Variants in DPY19L4 observed in about 807,000 individuals in gnomAD.
DPY19L4 encodes probable C-mannosyltransferase DPY19L4.
In DPY19L4, 97 loss-of-function variants were observed where a neutral mutation model predicts 102.8. The observed-to-expected ratio is 0.94, with a 90% CI of 0.80 to 1.12. The LOEUF (loss-of-function observed/expected upper bound fraction) is 1.12, where lower values mean the gene tolerates loss of function less well. Among genes scored for constraint, DPY19L4 ranks in the 50% most tolerant of loss-of-function variants. The pLI, the probability that DPY19L4 is intolerant of heterozygous loss-of-function variation, is 0.00. For missense variants in DPY19L4, 815 were observed against 850.4 expected, an observed-to-expected ratio of 0.96 and a Z score of 0.52; for synonymous variants, 252 against 283.1, an observed-to-expected ratio of 0.89 and a Z score of 1.10.
intron 18 of DPY19L4, 45 bp from the exon 19 acceptor site, chr8:94,789,701 A>G: frequency 6.7e-7 from 1 of 1,487,872 alleles, no homozygotes; most frequent in Non-Finnish European, 9.1e-7. Flanking sequence ...TTTCTGCTAT[A>G]AGCTTAATAA....
At chr8:94,730,736 ACT>A (rs888798958) in intron 2 of DPY19L4, among the ~76,000 whole-genome samples, 2 of 140,220 alleles carry the variant, frequency 1.4e-5, no homozygotes, top group Admixed American at 1.4e-4. Flanking sequence ...CAAGAGCGAA[ACT>A]CTGTCTCTTT....
At chr8:94,733,467 A>G (rs973614796) in intron 2 of DPY19L4, among the ~76,000 whole-genome samples, 1 of 152,074 alleles carries the variant, frequency 6.6e-6, no homozygotes, top group African/African-American at 2.4e-5. Context: ...TGTGTTAAGT[A>G]TATTTATGTT....
chr8:94,748,736 A>C (rs1248691879), intron 6 of DPY19L4, among the ~76,000 whole-genome samples: 1 of 152,188 alleles, frequency 6.6e-6, no homozygotes, highest in Admixed American at 6.5e-5. Flanking sequence ...TCAGATCAGC[A>C]GAGGCATTAT....
intron 1 of DPY19L4, among the ~76,000 whole-genome samples, chr8:94,725,810 G>A (rs1340133720): frequency 6.6e-6 from 1 of 151,688 alleles, no homozygotes; most frequent in African/African-American, 2.4e-5. Context: ...TAATTTTTTG[G>A]TATTTTTTTT....
intron 8 of DPY19L4, among the ~76,000 whole-genome samples, chr8:94,762,527 A>T (rs1317937734): frequency 6.6e-6 from 1 of 152,154 alleles, no homozygotes; most frequent in Admixed American, 6.6e-5. Context: ...TTGCCAGGCA[A>T]AGGATAGAAA....
chr8:94,759,360 A>C (rs777179524), intron 7 of DPY19L4, among the ~76,000 whole-genome samples: 2 of 152,122 alleles, frequency 1.3e-5, no homozygotes, highest in Non-Finnish European at 2.9e-5. Context: ...ATTACAGAGC[A>C]CTGATTGGTG....
intron 6 of DPY19L4, among the ~76,000 whole-genome samples, chr8:94,750,622 CTA>C (rs1391185432): frequency 6.6e-6 from 1 of 151,838 alleles, no homozygotes. Flanking sequence ...ATGTGAATAA[CTA>C]TTTTAATGCT....
chr8:94,783,897 A>G, intron 17 of DPY19L4, 95 bp downstream of exon 17: 1 of 1,356,010 alleles, frequency 7.4e-7, no homozygotes, highest in Non-Finnish European at 9.9e-7. Context: ...GTAGCTAGGA[A>G]AGTCCAAACA....
chr8:94,780,410 A>G lies in DPY19L4; in HGVS notation c.1627A>G (p.Lys543Glu). ...TACTATAATAGGTCTCAGCTTATGG[A>G]AAGAGGTAAAAAAATTAGATTTTTA... is the stretch of plus-strand genomic sequence containing the variant. ...VPTIIGLSLW[K>E]EFFPRLMTEL... Residue 543 changes from lysine to glutamate, a missense_variant, in exon 15 of 19, where the codon AAA becomes GAA. Coordinates refer to ENST00000414645, the MANE Select transcript of DPY19L4 (RefSeq NM_181787.3). The G allele has an allele frequency of 6.9e-7, 1 of 1,456,128 alleles. No individual in the cohort carries two copies. The highest frequency in any genetic ancestry group is 2.4e-5 in the East Asian group (1 of 42,442). The allele number at this position is 1,456,128 out of a possible 1,614,324, so 90.2% of individuals were successfully genotyped here.
At chr8:94,722,031 C>T (rs1810482356) in intron 1 of DPY19L4, among the ~76,000 whole-genome samples, 1 of 152,124 alleles carries the variant, frequency 6.6e-6, no homozygotes. Flanking sequence ...ATCACTTGAA[C>T]CCGGGAGGCG....
chr8:94,723,468 C>T (rs1406627403), intron 1 of DPY19L4, among the ~76,000 whole-genome samples: 4 of 149,570 alleles, frequency 2.7e-5, no homozygotes, highest in Middle Eastern at 6.9e-3. Flanking sequence ...AGTGAAACTC[C>T]GTCTCAAAAA....
rs192917862 is a variant in DPY19L4 at position 94,788,266 on chromosome 8, A to G, written c.2007+214A>G. On this transcript the variant is annotated intron_variant, in intron 18 of 18. Transcript: ENST00000414645. ...CTGGGCATTTTTGCAAAAATAATAA[A>G]AAATAATAATGGTATTACCAATACT... is the stretch of plus-strand genomic sequence containing the variant. Among the ~76,000 whole-genome samples the G allele has an allele frequency of 4.2e-3, 645 of 152,128 alleles. 6 individuals are homozygous for G. Among genetic ancestry groups the G allele is most frequent in the African/African-American group, 0.014 (593 of 41,548 alleles).
At chr8:94,787,808 AGTTTC>A (rs1813716909) in intron 17 of DPY19L4, 81 bp from the exon 18 acceptor site, 1 of 606,428 alleles carries the variant, frequency 1.6e-6, no homozygotes, top group Non-Finnish European at 2.3e-6. Flanking sequence ...CTTGATGTAT[AGTTTC>A]AATTTACTGA....
intron 1 of DPY19L4, among the ~76,000 whole-genome samples, chr8:94,725,002 G>A (rs1427782006): frequency 1.2e-5 from 1 of 80,994 alleles, no homozygotes; most frequent in Non-Finnish European, 2.2e-5. Flanking sequence ...TCCACTAAAT[G>A]TACAGCTTTT....
In DPY19L4 at chr8:94,768,494, C is replaced by T. The variant is rs762651816; in HGVS notation, c.1275C>T (p.Tyr425=). The change falls in exon 12 of 19, where the codon TAC becomes TAT. Residue 425 remains tyrosine, a synonymous_variant. Transcript: ENST00000414645. The part of the protein sequence containing the change: ...RLTQSSLLPF[Y]ILVLIICFLS... ...CACAGTCTTCTTTATTACCTTTCTACATTCTAGTGTTAATTATTTGTTTTC... is the reference window on the plus strand; with the variant it reads ...CACAGTCTTCTTTATTACCTTTCTATATTCTAGTGTTAATTATTTGTTTTC... 3 of 1,590,020 alleles carry T rather than the reference C, an allele frequency of 1.9e-6. No homozygotes were observed. Among genetic ancestry groups the T allele is most frequent in the Non-Finnish European group, 1.7e-6 (2 of 1,161,704 alleles).
intron 6 of DPY19L4, among the ~76,000 whole-genome samples, chr8:94,745,671 G>A (rs1398821948): frequency 6.6e-6 from 1 of 152,112 alleles, no homozygotes; most frequent in Non-Finnish European, 1.5e-5. Context: ...GTTTCTCCCA[G>A]GAATTCCGTT....
intron 11 of DPY19L4, among the ~76,000 whole-genome samples, chr8:94,767,459 A>G (rs1812727535): frequency 6.6e-6 from 1 of 151,868 alleles, no homozygotes; most frequent in Admixed American, 6.6e-5. Flanking sequence ...ATGCCCGGCT[A>G]ATTTTTTGTA....
chr8:94,740,375 C>T (rs2130821608), intron 6 of DPY19L4, among the ~76,000 whole-genome samples: 1 of 152,152 alleles, frequency 6.6e-6, no homozygotes, highest in South Asian at 2.1e-4. Flanking sequence ...TGTGTGTATG[C>T]ATCTGTGTAT....
chr8:94,760,881 C>T (rs1343496193), intron 7 of DPY19L4, among the ~76,000 whole-genome samples: 1 of 152,158 alleles, frequency 6.6e-6, no homozygotes, highest in African/African-American at 2.4e-5. Context: ...GGCAGATTTT[C>T]GGCAAGGGCA....
Sources: gnomAD v4.1 joint callset for allele counts (sites outside exome capture counted in the v4.1 genomes callset) on GRCh38, gnomAD v4.1.1 for gene constraint, MANE v1.5 for transcripts, NCBI Gene and HGNC (gene_info 2026-07-23, HGNC 2026-07-21) for gene names.